Variants in ITPK1 observed in about 807,000 individuals in gnomAD.
ITPK1 encodes the protein inositol 1,3,4-trisphosphate 5/6-kinase.
In ITPK1, 21 loss-of-function variants were observed where a neutral mutation model predicts 45.3. The ratio of observed to expected loss-of-function variants is 0.46; its 90% confidence interval spans 0.33 to 0.67. The LOEUF (loss-of-function observed/expected upper bound fraction) is 0.67, where lower values mean the gene tolerates loss of function less well. ITPK1 is among the 30% of genes least tolerant of loss of function. The pLI is 0.02. For synonymous variants in ITPK1, 258 were observed against 253.6 expected (o/e 1.02, Z -0.16); for missense variants, 474 against 573.5 (o/e 0.83, Z 1.77).
At chr14:92,987,056 C>G (rs888831040) in intron 5 of ITPK1, among the ~76,000 whole-genome samples, 12 of 152,290 alleles carry the variant, frequency 7.9e-5, no homozygotes, top group Admixed American at 3.9e-4. Flanking sequence ...CTGCCAGTGC[C>G]CTTAGGAGGC....
Position 92,937,651 on chromosome 14 carries a change from A to C in ITPK1, c.*3910T>G, listed in dbSNP as rs1313172006. ...TGCAGAGAGAAGGTACACAGCACAG[A>C]CCCTTTCTCACAAGGGGAGGACCCA... On this transcript the variant is annotated 3_prime_UTR_variant, in exon 11 of 11. Transcript: ENST00000267615. 2 of 152,416 alleles carry C rather than the reference A, an allele frequency of 1.3e-5. No homozygotes were observed. Among genetic ancestry groups the C allele is most frequent in the African/African-American group, 2.4e-5 (1 of 41,448 alleles). 9.4% of individuals were successfully genotyped at this position (152,416 alleles called of 1,614,324 possible).
intron 3 of ITPK1, among the ~76,000 whole-genome samples, chr14:93,062,470 T>A (rs755667575): frequency 3.3e-5 from 5 of 152,038 alleles, no homozygotes; most frequent in African/African-American, 4.8e-5. Flanking sequence ...TTTTAATGCA[T>A]CAGTGTGTGT....
At chr14:93,064,496 T>C in intron 3 of ITPK1, among the ~76,000 whole-genome samples, 1 of 151,956 alleles carries the variant, frequency 6.6e-6, no homozygotes, top group African/African-American at 2.4e-5. Context: ...AAGCCCCCTC[T>C]CAGGCCTCTG....
At chr14:93,026,544 G>A (rs930985058) in intron 3 of ITPK1, among the ~76,000 whole-genome samples, 2 of 152,166 alleles carry the variant, frequency 1.3e-5, no homozygotes, top group African/African-American at 2.4e-5. Flanking sequence ...CAACCGTCTC[G>A]ACGGCAGCAA....
At chr14:92,990,000 G>T (rs1187084095) in intron 5 of ITPK1, among the ~76,000 whole-genome samples, 1 of 152,206 alleles carries the variant, frequency 6.6e-6, no homozygotes, top group African/African-American at 2.4e-5. Context: ...GTTCTGCCAT[G>T]GGAAAGTTGG....
chr14:93,053,810 G>C (rs1890117320), intron 3 of ITPK1, among the ~76,000 whole-genome samples: 2 of 152,210 alleles, frequency 1.3e-5, no homozygotes, highest in Admixed American at 6.5e-5. Flanking sequence ...CTCTAAAATA[G>C]AGTCTATTAA....
chr14:93,087,567 T>C (rs1891697632), intron 2 of ITPK1, among the ~76,000 whole-genome samples: 1 of 152,236 alleles, frequency 6.6e-6, no homozygotes, highest in South Asian at 2.1e-4. Context: ...AGTCATGTCA[T>C]ACCCTTTTAC....
intron 5 of ITPK1, among the ~76,000 whole-genome samples, chr14:92,982,165 T>C (rs1226564686): frequency 2.0e-5 from 3 of 152,122 alleles, no homozygotes; most frequent in Non-Finnish European, 4.4e-5. Flanking sequence ...GGAAAACCAT[T>C]GTATTACTCA....
intron 3 of ITPK1, among the ~76,000 whole-genome samples, chr14:93,074,841 C>T (rs1305435676): frequency 6.6e-6 from 1 of 152,136 alleles, no homozygotes; most frequent in East Asian, 1.9e-4. Context: ...AATAACCACA[C>T]CTCCTCTTTC....
intron 4 of ITPK1, among the ~76,000 whole-genome samples, chr14:93,003,027 G>A (rs1887427569): frequency 1.3e-5 from 2 of 152,238 alleles, no homozygotes; most frequent in South Asian, 2.1e-4. Context: ...AGTCCACAGG[G>A]CCTCTGTGAG....
chr14:92,991,141 T>C (rs766450921), intron 5 of ITPK1, among the ~76,000 whole-genome samples: 23 of 152,094 alleles, frequency 1.5e-4, no homozygotes, highest in Non-Finnish European at 2.8e-4. Context: ...ATTATGGCCA[T>C]TTACAGTACG....
At chr14:93,082,918 G>A (rs1275551609) in intron 2 of ITPK1, among the ~76,000 whole-genome samples, 1 of 152,210 alleles carries the variant, frequency 6.6e-6, no homozygotes, top group East Asian at 1.9e-4. Context: ...GCCGCAGTGG[G>A]GCTCGTCCTC....
intron 5 of ITPK1, among the ~76,000 whole-genome samples, chr14:92,979,686 C>T (rs1189132304): frequency 6.6e-6 from 1 of 152,142 alleles, no homozygotes; most frequent in Non-Finnish European, 1.5e-5. Flanking sequence ...CCTTTGCCTT[C>T]CGCCATGATT....
intron 2 of ITPK1, among the ~76,000 whole-genome samples, chr14:93,098,512 C>CA: frequency 6.6e-6 from 1 of 151,900 alleles, no homozygotes; most frequent in Admixed American, 6.6e-5. Flanking sequence ...CCTGTAACCC[C>CA]AGCTACTTGG....
At chr14:93,052,568 G>A (rs2139932808) in intron 3 of ITPK1, among the ~76,000 whole-genome samples, 1 of 152,340 alleles carries the variant, frequency 6.6e-6, no homozygotes, top group East Asian at 1.9e-4. Context: ...GGAACCCCCA[G>A]TGGGGTAGGG....
At chr14:93,096,379 C>A (rs566205351) in intron 2 of ITPK1, among the ~76,000 whole-genome samples, 1 of 152,368 alleles carries the variant, frequency 6.6e-6, no homozygotes, top group African/African-American at 2.4e-5. Flanking sequence ...CTGTAACTCA[C>A]TGGTTGACAT....
At chr14:93,088,938 G>A (rs145014158) in intron 2 of ITPK1, among the ~76,000 whole-genome samples, 3 of 152,238 alleles carry the variant, frequency 2.0e-5, no homozygotes, top group South Asian at 2.1e-4. Context: ...ACCCAGGCCC[G>A]CTCTCCCCAA....
At chr14:92,968,882 G>A (rs1030569297) in intron 5 of ITPK1, among the ~76,000 whole-genome samples, 2 of 152,198 alleles carry the variant, frequency 1.3e-5, no homozygotes, top group African/African-American at 2.4e-5. Context: ...GGATGAGCTC[G>A]TATTCCAAGC....
intron 5 of ITPK1, among the ~76,000 whole-genome samples, chr14:92,979,717 C>T (rs1036065902): frequency 1.3e-5 from 2 of 152,030 alleles, no homozygotes; most frequent in Non-Finnish European, 2.9e-5. Flanking sequence ...TGAGGCCTCC[C>T]TGGCCATATT....
Sources: allele counts gnomAD v4.1 joint callset (sites outside exome capture counted in the v4.1 genomes callset), GRCh38; gene constraint gnomAD v4.1.1; transcripts MANE v1.5; gene names NCBI Gene and HGNC (gene_info 2026-07-23, HGNC 2026-07-21).